EEF2K: variants seen among roughly 807,000 people sequenced by gnomAD.
EEF2K encodes alternative protein EEF2K.
A neutral mutation model predicts 93.8 loss-of-function variants in EEF2K; 70 were observed. That is an observed-to-expected ratio of 0.75 (90% CI 0.62 to 0.91). The LOEUF is 0.91. Ranked by LOEUF, EEF2K falls within the 40% of genes least tolerant of loss-of-function variation. The probability of loss-of-function intolerance (pLI) is 0.00; values close to 1 mark genes in which losing one functional copy is unlikely to be tolerated. For missense variants in EEF2K, 935 were observed against 972.9 expected, an observed-to-expected ratio of 0.96 and a Z score of 0.52; for synonymous variants, 376 against 380.8, an observed-to-expected ratio of 0.99 and a Z score of 0.15.
At chr16:22,261,770 T>G (rs2141676986) in intron 11 of EEF2K, among the ~76,000 whole-genome samples, 1 of 151,582 alleles carries the variant, frequency 6.6e-6, no homozygotes, top group South Asian at 2.1e-4. Flanking sequence ...TATGGGAGGC[T>G]GAGGCAGGCA....
intron 2 of EEF2K, among the ~76,000 whole-genome samples, chr16:22,230,436 A>T (rs1281202747): frequency 1.3e-5 from 2 of 151,412 alleles, no homozygotes; most frequent in African/African-American, 2.4e-5. Flanking sequence ...CTGGTCTTTA[A>T]CTCTTGGCCT....
chr16:22,278,017 CA>C (rs2047655090), intron 16 of EEF2K, among the ~76,000 whole-genome samples: 2 of 152,090 alleles, frequency 1.3e-5, no homozygotes, highest in Admixed American at 1.3e-4. Flanking sequence ...CCAGCTTGGG[CA>C]ACCTGGTAAG....
intron 5 of EEF2K, 32 bp from the exon 6 acceptor site, chr16:22,251,119 C>G: frequency 6.3e-7 from 1 of 1,598,932 alleles, no homozygotes; most frequent in Non-Finnish European, 8.5e-7. Context: ...CCCAGAGTAC[C>G]CAGGTAGGCC....
intron 6 of EEF2K, among the ~76,000 whole-genome samples, chr16:22,254,491 A>G (rs1372554107): frequency 6.6e-6 from 1 of 152,116 alleles, no homozygotes; most frequent in Non-Finnish European, 1.5e-5. Context: ...ACCTGGACCT[A>G]ATCCTCCCAG....
At chr16:22,251,394 T>C in intron 6 of EEF2K, 72 bp downstream of exon 6, 4 of 1,523,446 alleles carry the variant, frequency 2.6e-6, no homozygotes, top group African/African-American at 1.4e-5. Flanking sequence ...AAGAGGGCCA[T>C]GGTGAATCCC....
rs1247090643 is a variant in EEF2K at position 22,224,674 on chromosome 16, C to T, written c.-76-980C>T. Among the ~76,000 whole-genome samples, 4 of 145,360 alleles carry T rather than the reference C, an allele frequency of 2.8e-5. No homozygotes were observed. The East Asian group carries it at 6.4e-4, about 23-fold the overall frequency. On this transcript the variant is annotated intron_variant, in intron 1 of 17. Transcript: ENST00000263026. The stretch of plus-strand genomic sequence containing the variant: ...AAAAGAAAAGAAAAAGAAAAAAGTC[C>T]GGATGTGGTGGCTCACGCCTGTAAT...
At chr16:22,253,387 GCCACAGTCCCCA>G (rs2047369636) in intron 6 of EEF2K, among the ~76,000 whole-genome samples, 1 of 152,180 alleles carries the variant, frequency 6.6e-6, no homozygotes, top group African/African-American at 2.4e-5. Flanking sequence ...GGCGCAAGAA[GCCACAGTCCCCA>G]CCCTGGGGGG....
Position 22,257,331 on chromosome 16 carries a change from A to G in EEF2K, c.847A>G (p.Thr283Ala). 1 of 1,611,606 alleles carries G rather than the reference A, an allele frequency of 6.2e-7. No individual in the cohort carries two copies. The highest frequency in any genetic ancestry group is 8.5e-7 in the Non-Finnish European group (1 of 1,179,136). The change falls in exon 8 of 18, where the codon ACT (threonine) becomes GCT (alanine). Residue 283 changes from threonine (T) to alanine (A), a missense_variant. Thr to Ala is a moderately conservative substitution (Grantham distance 58, BLOSUM62 0). Transcript: ENST00000263026. ...CATCCAGGGAGTTGGGGATCTCTAC[A>G]CTGACCCACAGATCCACACGGAGAC... ...VDIQGVGDLYTDPQIHTETGT... is the reference protein window; with the variant it reads ...VDIQGVGDLYADPQIHTETGT...
rs535577518 is a variant in EEF2K at position 22,241,547 on chromosome 16, A to G, written c.247-3083A>G. ...GTAATCCCAGCTACTCAGGAGGCTG[A>G]GGCAGGAAAATTGCTTGAACCCAGG... is the stretch of plus-strand genomic sequence containing the variant. On this transcript the variant is annotated intron_variant, in intron 2 of 17. Coordinates refer to ENST00000263026, the MANE Select transcript of EEF2K (RefSeq NM_013302.5). Among the ~76,000 whole-genome samples the G allele has an allele frequency of 3.5e-5, 5 of 143,374 alleles. No homozygotes were observed. The South Asian group carries it at 1.2e-3, about 35-fold the overall frequency. The allele number at this position is 143,374 out of a possible 152,430, so 94.1% of individuals were successfully genotyped here.
At chr16:22,246,538 A>G (rs1460122294) in intron 3 of EEF2K, among the ~76,000 whole-genome samples, 1 of 151,036 alleles carries the variant, frequency 6.6e-6, no homozygotes, top group Non-Finnish European at 1.5e-5. Flanking sequence ...AAAAAAAAAA[A>G]AAGACGTCAC....
intron 1 of EEF2K, among the ~76,000 whole-genome samples, chr16:22,224,466 AC>A (rs2047043225): frequency 6.6e-6 from 1 of 151,558 alleles, no homozygotes; most frequent in African/African-American, 2.4e-5. Context: ...CCCTGTTTTT[AC>A]AAAAAACAAA....
intron 16 of EEF2K, 147 bp downstream of exon 16, chr16:22,273,897 GC>G: frequency 8.2e-7 from 1 of 1,217,384 alleles, no homozygotes; most frequent in Non-Finnish European, 1.1e-6. Context: ...TACCTCCCTG[GC>G]CTCAGTTTCT....
rs2047531360 is a variant in EEF2K, at chr16:22,267,007, T to C, written c.1764+131T>C. 3 of 1,145,280 alleles carry C rather than the reference T, an allele frequency of 2.6e-6. No individual in the cohort carries two copies. The East Asian group carries it at 7.9e-5, about 30-fold the overall frequency. 70.9% of individuals were successfully genotyped at this position (1,145,280 alleles called of 1,614,324 possible). A position where few individuals can be genotyped will look rare whatever the true frequency, so the allele number is the denominator to read the frequency against. ...CTGAGGTTTATGCATGCCACAAAAA[T>C]GTCCCAGGCACTGGTTTGGGGGCAG... is the stretch of plus-strand genomic sequence containing the variant. On this transcript the variant is annotated intron_variant, in intron 15 of 17. Coordinates refer to ENST00000263026, the MANE Select transcript of EEF2K (RefSeq NM_013302.5).
In EEF2K at chr16:22,243,247, A is replaced by ATTTTTTTTTTTTTT. The variant is rs568043657; in HGVS notation, c.247-1376_247-1363dup. On this transcript the variant is annotated intron_variant, in intron 2 of 17. Transcript: ENST00000263026. ...AGAATCTCCACCAGAGATGCAGCCT[A>ATTTTTTTTTTTTTT]TTTTTTTTTTTTTTTTTTTTCTGAG... is the stretch of plus-strand genomic sequence containing the variant. Among the ~76,000 whole-genome samples, 2 of 118,502 alleles carry ATTTTTTTTTTTTTT rather than the reference A, an allele frequency of 1.7e-5. 1 individual carries two copies. The highest frequency in any genetic ancestry group is 3.5e-5 in the Non-Finnish European group (2 of 57,628). The allele number at this position is 118,502 out of a possible 152,430, so 77.7% of individuals were successfully genotyped here.
Position 22,257,389 on chromosome 16 carries a change from C to T in EEF2K, c.901+4C>T, listed in dbSNP as rs200399933. 1.7e-5 allele frequency: 28 copies of T among 1,612,610 alleles called. No homozygotes were observed. The highest frequency in any genetic ancestry group is 1.0e-4 in the Admixed American group (6 of 59,364). The stretch of plus-strand genomic sequence containing the variant: ...GACTTTGGAGACGGCAACCTAGGTA[C>T]GTGGGGAAAGCCAGCCTGTTTCTGC... On this transcript the variant is annotated splice_donor_region_variant and intron_variant, in intron 8 of 17. Transcript: ENST00000263026.
At chr16:22,246,319 C>T (rs749537697) in intron 3 of EEF2K, among the ~76,000 whole-genome samples, 6 of 151,574 alleles carry the variant, frequency 4.0e-5, no homozygotes, top group African/African-American at 1.5e-4. Context: ...GTCAGGAGTT[C>T]GAGACCAGCC....
chr16:22,234,535 C>G (rs1248056019), intron 2 of EEF2K, among the ~76,000 whole-genome samples: 1 of 144,118 alleles, frequency 6.9e-6, no homozygotes, highest in South Asian at 2.2e-4. Flanking sequence ...CCAGCCTGGG[C>G]AACAGGAAAA....
chr16:22,264,677 A>C, intron 12 of EEF2K, 141 bp from the exon 13 acceptor site: 5 of 725,536 alleles, frequency 6.9e-6, no homozygotes, highest in Non-Finnish European at 6.7e-6. Context: ...TCACCTGGGA[A>C]CATAGGGCCA....
At chr16:22,270,595 G>A (rs1251562639) in intron 15 of EEF2K, among the ~76,000 whole-genome samples, 1 of 152,134 alleles carries the variant, frequency 6.6e-6, no homozygotes, top group African/African-American at 2.4e-5. Context: ...TCTGTTATAT[G>A]TGTGGGGCAT....
Sources: gnomAD v4.1 joint callset for allele counts (sites outside exome capture counted in the v4.1 genomes callset) on GRCh38, gnomAD v4.1.1 for gene constraint, MANE v1.5 for transcripts, NCBI Gene and HGNC (gene_info 2026-07-23, HGNC 2026-07-21) for gene names.